Variants in FGF14 observed in about 807,000 individuals in gnomAD.
FGF14 encodes the protein fibroblast growth factor 14, also known as fibroblast growth factor homologous factor 4.
Under a neutral mutation model 25.5 loss-of-function variants are expected in FGF14, and 5 were observed. That is an observed-to-expected ratio of 0.20 (90% CI 0.10 to 0.41). The LOEUF (loss-of-function observed/expected upper bound fraction) is 0.41, where lower values mean the gene tolerates loss of function less well. Among genes scored for constraint, FGF14 ranks in the 10% least tolerant of loss-of-function variants. The probability of loss-of-function intolerance (pLI) is 1.00; values close to 1 mark genes in which losing one functional copy is unlikely to be tolerated. For synonymous variants in FGF14, 138 were observed against 118.3 expected, an observed-to-expected ratio of 1.17 and a Z score of -1.08; for missense variants, 222 against 320.1, an observed-to-expected ratio of 0.69 and a Z score of 2.34.
At chr13:102,348,827 C>T (rs976519112) in intron 1 of FGF14, among the ~76,000 whole-genome samples, 4 of 152,318 alleles carry the variant, frequency 2.6e-5, no homozygotes, top group South Asian at 2.1e-4. Flanking sequence ...ACATCAGACA[C>T]GGGACCACTT....
chr13:102,261,920 G>A (rs1566875692), intron 1 of FGF14, among the ~76,000 whole-genome samples: 2 of 152,124 alleles, frequency 1.3e-5, no homozygotes, highest in Non-Finnish European at 2.9e-5. Context: ...GGGATGCATG[G>A]CTTCATTAGC....
intron 1 of FGF14, among the ~76,000 whole-genome samples, chr13:102,169,304 C>T (rs536731637): frequency 2.2e-4 from 34 of 152,152 alleles, no homozygotes; most frequent in African/African-American, 8.2e-4. Context: ...TTCCAATTCC[C>T]CACTCACCCC....
At chr13:101,781,873 A>G (rs2039510036) in intron 3 of FGF14, among the ~76,000 whole-genome samples, 1 of 152,256 alleles carries the variant, frequency 6.6e-6, no homozygotes, top group African/African-American at 2.4e-5. Flanking sequence ...ATGAATGTTT[A>G]TATAAGCAAA....
intron 3 of FGF14, among the ~76,000 whole-genome samples, chr13:101,769,257 C>T (rs560522610): frequency 4.6e-5 from 7 of 152,062 alleles, no homozygotes; most frequent in East Asian, 3.9e-4. Context: ...AACCACTGCA[C>T]GCCTATTTGG....
intron 3 of FGF14, among the ~76,000 whole-genome samples, chr13:101,854,931 C>T (rs1469417521): frequency 6.6e-6 from 1 of 151,928 alleles, no homozygotes; most frequent in Non-Finnish European, 1.5e-5. Flanking sequence ...TTAACTATAA[C>T]AAAGAGAAAA....
At chr13:101,953,139 G>T (rs190709753) in intron 1 of FGF14, among the ~76,000 whole-genome samples, 2 of 152,228 alleles carry the variant, frequency 1.3e-5, no homozygotes, top group East Asian at 3.9e-4. Flanking sequence ...AATCTCAGAA[G>T]CGTCAACAGT....
At position 101,875,503 on chromosome 13, in the gene FGF14, C is replaced by G. The variant is rs548771474; in HGVS notation, c.194-207G>C. ...GAAATGCAGTAGTAAGCCACAGAAA[C>G]AGGCTGTTTTATAAAACTGGTATAT... On this transcript the variant is annotated intron_variant, in intron 1 of 4. Transcript: ENST00000376143. Among the ~76,000 whole-genome samples, 15 of 152,170 alleles carry G rather than the reference C, an allele frequency of 9.9e-5. No homozygotes were observed. The East Asian group carries it at 2.9e-3, about 29-fold the overall frequency.
intron 1 of FGF14, among the ~76,000 whole-genome samples, chr13:102,319,375 A>G (rs2056158260): frequency 6.6e-6 from 1 of 152,196 alleles, no homozygotes; most frequent in South Asian, 2.1e-4. Flanking sequence ...TTAGATACAG[A>G]CGCCATCAAC....
intron 3 of FGF14, among the ~76,000 whole-genome samples, chr13:101,745,373 A>C (rs2036821460): frequency 6.6e-6 from 1 of 152,058 alleles, no homozygotes; most frequent in Admixed American, 6.6e-5. Context: ...CTCAAAGTAC[A>C]TACTTTACAT....
At chr13:102,024,975 A>G (rs1177138497) in intron 1 of FGF14, among the ~76,000 whole-genome samples, 1 of 151,128 alleles carries the variant, frequency 6.6e-6, no homozygotes, top group Non-Finnish European at 1.5e-5. Context: ...AATGGAATTT[A>G]TATATATACA....
chr13:101,853,648 G>T (rs1322710), intron 3 of FGF14, among the ~76,000 whole-genome samples: 40,989 of 151,682 alleles, frequency 0.27, 5,832 homozygotes, highest in East Asian at 0.53. Context: ...TAGAGACAGG[G>T]TCTCACTATA....
chr13:101,724,453 G>C (rs569472984), intron 4 of FGF14, among the ~76,000 whole-genome samples: 13 of 149,868 alleles, frequency 8.7e-5, no homozygotes, highest in Middle Eastern at 3.4e-3. Context: ...GGGGTGGGGG[G>C]ATGGGGGAGG....
intron 1 of FGF14, among the ~76,000 whole-genome samples, chr13:102,080,071 A>C (rs918267676): frequency 6.6e-6 from 1 of 152,138 alleles, no homozygotes; most frequent in Non-Finnish European, 1.5e-5. Flanking sequence ...AAGATCATAC[A>C]AACTTGCCTC....
intron 3 of FGF14, among the ~76,000 whole-genome samples, chr13:101,833,460 A>T (rs1207447338): frequency 6.6e-6 from 1 of 152,052 alleles, no homozygotes; most frequent in Non-Finnish European, 1.5e-5. Flanking sequence ...GAGTTGAGGA[A>T]ATAGGGTTCT....
intron 3 of FGF14, among the ~76,000 whole-genome samples, chr13:101,796,530 A>C (rs964516861): frequency 6.6e-6 from 1 of 152,052 alleles, no homozygotes; most frequent in African/African-American, 2.4e-5. Context: ...CTACCACTTC[A>C]GAGTACAACT....
intron 3 of FGF14, among the ~76,000 whole-genome samples, chr13:101,749,152 G>C (rs2037100405): frequency 6.6e-6 from 1 of 152,090 alleles, no homozygotes; most frequent in South Asian, 2.1e-4. Flanking sequence ...CCGGTGGCTA[G>C]GGAGAGGAGG....
intron 1 of FGF14, among the ~76,000 whole-genome samples, chr13:102,143,792 T>G (rs2046744665): frequency 6.6e-6 from 1 of 152,192 alleles, no homozygotes; most frequent in Non-Finnish European, 1.5e-5. Flanking sequence ...TTAAAACCGT[T>G]GCTTCCTTTT....
intron 1 of FGF14, among the ~76,000 whole-genome samples, chr13:101,954,415 G>C (rs922819938): frequency 1.3e-5 from 2 of 152,168 alleles, no homozygotes; most frequent in Admixed American, 1.3e-4. Context: ...ATGGGCTTGA[G>C]AGAAGACAGG....
chr13:102,183,382 G>A (rs1443870803), intron 1 of FGF14, among the ~76,000 whole-genome samples: 1 of 152,072 alleles, frequency 6.6e-6, no homozygotes, highest in Non-Finnish European at 1.5e-5. Context: ...AGTTAAGAGA[G>A]CATAAATCAA....
Sources: gnomAD v4.1 joint callset for allele counts (sites outside exome capture counted in the v4.1 genomes callset) on GRCh38, gnomAD v4.1.1 for gene constraint, MANE v1.5 for transcripts, NCBI Gene and HGNC (gene_info 2026-07-23, HGNC 2026-07-21) for gene names.